Variants in SYNPR observed in about 807,000 individuals in gnomAD.
SYNPR encodes the protein synaptoporin.
A neutral mutation model predicts 32.9 loss-of-function variants in SYNPR; 23 were observed. The observed-to-expected ratio is 0.70, with a 90% CI of 0.50 to 0.99. SYNPR has a LOEUF of 0.99. Among genes scored for constraint, SYNPR ranks in the 50% least tolerant of loss-of-function variants. The probability of loss-of-function intolerance (pLI) is 0.00; values close to 1 mark genes in which losing one functional copy is unlikely to be tolerated. For missense variants in SYNPR, 318 were observed against 349.3 expected (o/e 0.91, Z 0.71); for synonymous variants, 146 against 135.9 (o/e 1.07, Z -0.52).
chr3:63,410,871 A>C (rs1397121577), intron 2 of SYNPR, among the ~76,000 whole-genome samples: 6 of 152,158 alleles, frequency 3.9e-5, no homozygotes, highest in African/African-American at 1.4e-4. Flanking sequence ...TGCCTGACTT[A>C]TGAGGCTGCA....
chr3:63,292,664 T>G (rs1441029794), intron 2 of SYNPR, among the ~76,000 whole-genome samples: 1 of 152,248 alleles, frequency 6.6e-6, no homozygotes. Flanking sequence ...TAGGAAACAT[T>G]TAAAACAAGG....
chr3:63,379,891 A>G (rs955165352), intron 2 of SYNPR, among the ~76,000 whole-genome samples: 10 of 151,792 alleles, frequency 6.6e-5, no homozygotes, highest in African/African-American at 2.2e-4. Flanking sequence ...CCTGTGTCCA[A>G]GTGTTCTCAT....
chr3:63,263,066 A>G (rs1192483825), intron 2 of SYNPR, among the ~76,000 whole-genome samples: 1 of 152,216 alleles, frequency 6.6e-6, no homozygotes, highest in African/African-American at 2.4e-5. Flanking sequence ...AACTTGAGTG[A>G]ATGTTTACAT....
intron 3 of SYNPR, among the ~76,000 whole-genome samples, chr3:63,482,192 G>A (rs181892526): frequency 1.3e-5 from 2 of 152,112 alleles, no homozygotes; most frequent in Admixed American, 6.5e-5. Context: ...ACAGTTTCCT[G>A]CACTGGGCTT....
rs189625371 is a variant in SYNPR, at chr3:63,336,387, A to C, written c.84+57645A>C. ...TTCATCAAAATGTTAACAATGATGAACTTTGTAGTTACAAACGTGCACTAT... is the reference window on the plus strand; with the variant it reads ...TTCATCAAAATGTTAACAATGATGACCTTTGTAGTTACAAACGTGCACTAT... On this transcript the variant is annotated intron_variant, in intron 2 of 5. Coordinates refer to ENST00000478300, the MANE Select transcript of SYNPR (RefSeq NM_001130003.2). Among the ~76,000 whole-genome samples the C allele has an allele frequency of 1.3e-3, 202 of 151,984 alleles. 1 individual carries two copies. The highest frequency in any genetic ancestry group is 2.4e-3 in the Admixed American group (37 of 15,260).
intron 1 of SYNPR, among the ~76,000 whole-genome samples, chr3:63,243,474 G>A (rs2086262946): frequency 6.6e-6 from 1 of 152,048 alleles, no homozygotes; most frequent in South Asian, 2.1e-4. Context: ...TAATGAGGGA[G>A]ATACTTCTGC....
At chr3:63,382,066 G>A (rs1445812241) in intron 2 of SYNPR, among the ~76,000 whole-genome samples, 6 of 152,070 alleles carry the variant, frequency 3.9e-5, no homozygotes, top group Admixed American at 3.9e-4. Context: ...AACTACATCA[G>A]ACAATGTTAT....
chr3:63,358,469 C>G (rs1016937214), intron 2 of SYNPR, among the ~76,000 whole-genome samples: 6 of 152,200 alleles, frequency 3.9e-5, no homozygotes, highest in African/African-American at 9.7e-5. Flanking sequence ...TTGAGTCCAC[C>G]TGGATAAGCC....
upstream of SYNPR, among the ~76,000 whole-genome samples, chr3:63,225,724 C>A (rs1021077343): frequency 3.3e-5 from 5 of 152,086 alleles, no homozygotes; most frequent in African/African-American, 1.2e-4. Flanking sequence ...GAAAACAATT[C>A]CTATTGGACA....
intron 4 of SYNPR, among the ~76,000 whole-genome samples, chr3:63,600,332 A>C (rs750429796): frequency 6.6e-6 from 1 of 152,130 alleles, no homozygotes; most frequent in Non-Finnish European, 1.5e-5. Flanking sequence ...CTGTGCCAGG[A>C]GGGGACAGGC....
intron 4 of SYNPR, among the ~76,000 whole-genome samples, chr3:63,579,579 G>T (rs895467731): frequency 2.0e-5 from 3 of 152,094 alleles, no homozygotes; most frequent in Non-Finnish European, 2.9e-5. Flanking sequence ...GTTTGTGTCT[G>T]CTTTTGTCCA....
intron 2 of SYNPR, among the ~76,000 whole-genome samples, chr3:63,262,765 A>G (rs2086450013): frequency 1.3e-5 from 2 of 152,166 alleles, no homozygotes; most frequent in South Asian, 2.1e-4. Flanking sequence ...ATATCCAAGG[A>G]AGCACAGACA....
chr3:63,231,733 C>A (rs1431604550), intron 1 of SYNPR, among the ~76,000 whole-genome samples: 1 of 151,898 alleles, frequency 6.6e-6, no homozygotes, highest in African/African-American at 2.4e-5. Context: ...GAGAAGCTGC[C>A]AAAAAAGCAC....
intron 3 of SYNPR, among the ~76,000 whole-genome samples, chr3:63,495,328 A>G (rs528126273): frequency 6.6e-6 from 1 of 152,172 alleles, no homozygotes; most frequent in Admixed American, 6.5e-5. Context: ...GGAGGGAAGA[A>G]GGAGATGAGC....
intron 2 of SYNPR, among the ~76,000 whole-genome samples, chr3:63,253,840 A>T (rs2086358562): frequency 1.3e-5 from 2 of 152,190 alleles, no homozygotes; most frequent in Admixed American, 6.5e-5. Flanking sequence ...GGATTATAAA[A>T]CATGCTACTG....
chr3:63,239,459 G>GT (rs2086223022), intron 1 of SYNPR, among the ~76,000 whole-genome samples: 1 of 150,508 alleles, frequency 6.6e-6, no homozygotes, highest in Non-Finnish European at 1.5e-5. Context: ...TACCATGAGT[G>GT]CATGGTAGAA....
chr3:63,240,232 CA>C (rs2086231050), intron 1 of SYNPR, among the ~76,000 whole-genome samples: 1 of 152,062 alleles, frequency 6.6e-6, no homozygotes, highest in Admixed American at 6.6e-5. Context: ...GTTTATTTAA[CA>C]GGATAAAAAC....
At chr3:63,449,922 A>G (rs1211030311) in intron 2 of SYNPR, among the ~76,000 whole-genome samples, 1 of 152,168 alleles carries the variant, frequency 6.6e-6, no homozygotes, top group Admixed American at 6.5e-5. Context: ...CCAAATTCTT[A>G]CAGCTAATAA....
chr3:63,539,776 G>T (rs1198545805), intron 3 of SYNPR, among the ~76,000 whole-genome samples: 1 of 152,094 alleles, frequency 6.6e-6, no homozygotes. Flanking sequence ...TAATGAGCAG[G>T]TTATCACTGT....
Sources: allele counts gnomAD v4.1 joint callset (sites outside exome capture counted in the v4.1 genomes callset), GRCh38; gene constraint gnomAD v4.1.1; transcripts MANE v1.5; gene names NCBI Gene and HGNC (gene_info 2026-07-23, HGNC 2026-07-21).